HOXA3: variants seen among roughly 807,000 people sequenced by gnomAD.
HOXA3 encodes homeobox protein Hox-A3.
A neutral mutation model predicts 30.3 loss-of-function variants in HOXA3; 8 were observed. The observed-to-expected ratio is 0.26, with a 90% CI of 0.15 to 0.48. The LOEUF is 0.48. Among genes scored for constraint, HOXA3 ranks in the 20% least tolerant of loss-of-function variants. HOXA3 has a pLI of 0.99. For missense variants in HOXA3, 653 were observed against 614.4 expected (o/e 1.06, Z -0.66); for synonymous variants, 323 against 273.1 (o/e 1.18, Z -1.80).
intron 1 of HOXA3, among the ~76,000 whole-genome samples, chr7:27,142,255 A>T (rs1322613912): frequency 7.2e-5 from 11 of 152,216 alleles, no homozygotes; most frequent in Non-Finnish European, 2.9e-5. Context: ...CTAGAAAGAA[A>T]ACAATACGAT....
Position 27,110,254 on chromosome 7 carries a change from C to T in HOXA3, c.387G>A (p.Gln129=). 6.2e-7 allele frequency: 1 copy of T among 1,607,848 alleles called. No individual in the cohort carries two copies. Among genetic ancestry groups the T allele is most frequent in the Non-Finnish European group, 8.5e-7 (1 of 1,178,154 alleles). Reference sequence around the variant, plus strand: ...CAGGGGTAGGGTTGTTGCTGGCATTCTGAGGAGGGGAGGCAGAAGAGGGAG... The same window carrying T: ...CAGGGGTAGGGTTGTTGCTGGCATTTTGAGGAGGGGAGGCAGAAGAGGGAG... ...PPPPSSASPP[Q]NASNNPTPAN... The change falls in exon 5 of 6, where the codon CAG becomes CAA. Residue 129 remains glutamine (Q), a synonymous_variant. Transcript: ENST00000612286.
At chr7:27,132,336 T>A (rs1278921284) in intron 2 of HOXA3, among the ~76,000 whole-genome samples, 1 of 152,212 alleles carries the variant, frequency 6.6e-6, no homozygotes, top group Non-Finnish European at 1.5e-5. Flanking sequence ...TGAAAAGGAA[T>A]GTCAATTCTA....
At chr7:27,130,846 TC>T in intron 2 of HOXA3, 1 of 1,018,438 alleles carries the variant, frequency 9.8e-7, no homozygotes, top group Non-Finnish European at 1.4e-6. Context: ...TCTGCGCCCT[TC>T]CCCTCCCCCC....
chr7:27,117,880 G>A (rs1784806200), intron 4 of HOXA3, among the ~76,000 whole-genome samples: 1 of 152,122 alleles, frequency 6.6e-6, no homozygotes, highest in Non-Finnish European at 1.5e-5. Context: ...CCCTGCTGCA[G>A]TGGACAAAGC....
chr7:27,130,161 C>T (rs1330441423), intron 2 of HOXA3: 3 of 1,601,342 alleles, frequency 1.9e-6, no homozygotes, highest in Admixed American at 3.4e-5. Flanking sequence ...ACACCACGGG[C>T]TCCTTGCCCT....
At chr7:27,150,830 A>C (rs1427652704) in intron 1 of HOXA3, 2 of 152,534 alleles carry the variant, frequency 1.3e-5, no homozygotes, top group Non-Finnish European at 2.9e-5. Flanking sequence ...TTTCCCGGCC[A>C]TATAGGCTCT....
At chr7:27,125,916 C>T (rs998624670) in intron 3 of HOXA3, among the ~76,000 whole-genome samples, 7 of 152,156 alleles carry the variant, frequency 4.6e-5, no homozygotes, top group African/African-American at 1.7e-4. Flanking sequence ...ATCCACCCCA[C>T]CCCACCCCAT....
At chr7:27,142,875 G>T (rs561908025) in intron 1 of HOXA3, 3 of 618,888 alleles carry the variant, frequency 4.8e-6, no homozygotes, top group Admixed American at 3.3e-5. Flanking sequence ...CAGGGTGCTC[G>T]CAAAGAAGAG....
In HOXA3 at chr7:27,108,092, T is replaced by G; in HGVS notation, c.1155A>C (p.Leu385=). 3 of 1,612,406 alleles carry G rather than the reference T, an allele frequency of 1.9e-6. No homozygotes were observed. The highest frequency in any genetic ancestry group is 2.5e-6 in the Non-Finnish European group (3 of 1,178,884). Residue 385 remains leucine, a synonymous_variant, in exon 6 of 6, where the codon CTA becomes CTC. Transcript: ENST00000612286. This position sits in a 1 kb window ranked among gnomAD's most constrained non-coding sequence, Gnocchi z 5.0. The stretch of plus-strand genomic sequence containing the variant: ...CCGAGGCAGCGTGGGGGAGGTGAGT[T>G]AGACCAAAGAGGGCTGGCCCGGAGT... ...MSNSGPALFG[L]THLPHAASGA...
chr7:27,117,107 G>T, intron 4 of HOXA3, among the ~76,000 whole-genome samples: 1 of 152,264 alleles, frequency 6.6e-6, no homozygotes, highest in South Asian at 2.1e-4. Context: ...GGAGTGTGGG[G>T]TCCCCAAAGC....
chr7:27,142,985 GA>G (rs1782626960), intron 1 of HOXA3: 1 of 1,413,654 alleles, frequency 7.1e-7, no homozygotes, highest in Non-Finnish European at 9.5e-7. Flanking sequence ...GCAGAGAAGA[GA>G]GGGGGGACCG....
chr7:27,139,786 C>A (rs999387921), intron 2 of HOXA3, among the ~76,000 whole-genome samples: 1 of 152,196 alleles, frequency 6.6e-6, no homozygotes, highest in African/African-American at 2.4e-5. Flanking sequence ...CCCATTCGCA[C>A]ACAAAAATCA....
At chr7:27,129,502 T>A in intron 2 of HOXA3, 1 of 1,614,048 alleles carries the variant, frequency 6.2e-7, no homozygotes, top group Non-Finnish European at 8.5e-7. Flanking sequence ...CTTCTCCAGC[T>A]CCAAGACCTG....
At chr7:27,147,957 C>A (rs1782838323) in intron 1 of HOXA3, among the ~76,000 whole-genome samples, 1 of 152,250 alleles carries the variant, frequency 6.6e-6, no homozygotes, top group Non-Finnish European at 1.5e-5. Flanking sequence ...AGCAAAGTTA[C>A]AAACAGCCCC....
chr7:27,152,539 G>C lies in HOXA3; in HGVS notation c.-745C>G. On this transcript the variant is annotated 5_prime_UTR_variant, in exon 1 of 6. Coordinates refer to ENST00000612286, the MANE Select transcript of HOXA3 (RefSeq NM_153631.3). The stretch of plus-strand genomic sequence containing the variant: ...AAAGCACAGCCGAGCCCGGCTGGAA[G>C]GCAGAGCTCCGAAGCAGGCAGGACG... 3 of 1,181,310 alleles carry C rather than the reference G, an allele frequency of 2.5e-6. No individual in the cohort carries two copies. Among genetic ancestry groups the C allele is most frequent in the Non-Finnish European group, 3.2e-6 (3 of 938,498 alleles). The allele number at this position is 1,181,310 out of a possible 1,614,324, so 73.2% of individuals were successfully genotyped here.
chr7:27,149,419 A>G (rs2128063898), intron 1 of HOXA3, among the ~76,000 whole-genome samples: 1 of 152,312 alleles, frequency 6.6e-6, no homozygotes, highest in Middle Eastern at 3.4e-3. Context: ...GCAGTGTTCC[A>G]GTAGGAATCT....
chr7:27,149,916 C>T (rs762127599), intron 1 of HOXA3: 7 of 152,086 alleles, frequency 4.6e-5, no homozygotes, highest in Non-Finnish European at 7.4e-5. Flanking sequence ...CTTTTCATTC[C>T]GCCATGTCCC....
intron 2 of HOXA3, among the ~76,000 whole-genome samples, chr7:27,131,693 C>G (rs546447746): frequency 1.6e-3 from 247 of 152,248 alleles, no homozygotes; most frequent in Non-Finnish European, 2.5e-3. Flanking sequence ...TCCACAGAAC[C>G]GAGCTTTGAA....
At chr7:27,148,504 G>A (rs1782864883) in intron 1 of HOXA3, among the ~76,000 whole-genome samples, 1 of 152,230 alleles carries the variant, frequency 6.6e-6, no homozygotes, top group African/African-American at 2.4e-5. Flanking sequence ...TCAGCCAAAC[G>A]TAGGTTCTTC....
Sources: gnomAD v4.1 joint callset for allele counts (sites outside exome capture counted in the v4.1 genomes callset) on GRCh38, gnomAD v4.1.1 for gene constraint, Gnocchi (gnomAD v3.1) non-coding constraint, MANE v1.5 for transcripts, NCBI Gene and HGNC (gene_info 2026-07-23, HGNC 2026-07-21) for gene names.